Variants in IL6R observed in about 807,000 individuals in gnomAD.
IL6R encodes interleukin 6 receptor.
IL6R carries 38 observed loss-of-function variants against 48.3 expected under a neutral mutation model. That is an observed-to-expected ratio of 0.79 (90% CI 0.61 to 1.03). The LOEUF (loss-of-function observed/expected upper bound fraction) is 1.03. Among genes scored for constraint, IL6R ranks in the 50% least tolerant of loss-of-function variants. The pLI is 0.00. For missense variants in IL6R, 534 were observed against 618.3 expected, an observed-to-expected ratio of 0.86 and a Z score of 1.45; for synonymous variants, 264 against 256.2, an observed-to-expected ratio of 1.03 and a Z score of -0.29.
At chr1:154,425,192 A>T (rs1688897097) in intron 1 of IL6R, among the ~76,000 whole-genome samples, 1 of 152,086 alleles carries the variant, frequency 6.6e-6, no homozygotes, top group Admixed American at 6.6e-5. Flanking sequence ...AGTTTTTACT[A>T]CTTCTTTCTT....
intron 9 of IL6R, among the ~76,000 whole-genome samples, chr1:154,464,180 G>A (rs1246709016): frequency 6.9e-6 from 1 of 145,106 alleles, no homozygotes; most frequent in Non-Finnish European, 1.5e-5. Flanking sequence ...TTGAGACAGA[G>A]TTTCACTCTT....
chr1:154,408,763 G>T (rs1365362319), intron 1 of IL6R, among the ~76,000 whole-genome samples: 1 of 152,148 alleles, frequency 6.6e-6, no homozygotes, highest in African/African-American at 2.4e-5. Flanking sequence ...CACAGACCCA[G>T]CAAGCAAAAG....
chr1:154,414,874 T>C lies in IL6R; in HGVS notation c.85+9160T>C, dbSNP rs111793947. On this transcript the variant is annotated intron_variant, in intron 1 of 9. Transcript: ENST00000368485. ...GTGCATGTAGGCTGACTGGGGAAGCTGTTCCTTGTAATCAAAGTAGCAGCA... is the reference window on the plus strand; with the variant it reads ...GTGCATGTAGGCTGACTGGGGAAGCCGTTCCTTGTAATCAAAGTAGCAGCA... 1.9e-3 allele frequency: 1,509 copies of C among 785,460 alleles called. 20 individuals are homozygous for C. In the African/African-American group the frequency reaches 0.023, roughly 12 times the overall value. The allele number at this position is 785,460 out of a possible 1,614,324, so 48.7% of individuals were successfully genotyped here.
chr1:154,414,932 G>A, intron 1 of IL6R: 1 of 1,097,430 alleles, frequency 9.1e-7, no homozygotes, highest in Non-Finnish European at 1.4e-6. Flanking sequence ...TGGAAGGAGG[G>A]GATGTCCTCG....
At chr1:154,415,169 C>A in intron 1 of IL6R, 2 of 741,546 alleles carry the variant, frequency 2.7e-6, no homozygotes, top group South Asian at 2.9e-5. Flanking sequence ...GGCCCTAGGT[C>A]GCCAGGGGCC....
chr1:154,414,389 G>A (rs998319840), intron 1 of IL6R: 3 of 1,415,738 alleles, frequency 2.1e-6, no homozygotes, highest in African/African-American at 2.8e-5. Flanking sequence ...CAGCTGCCGG[G>A]CATACTCGGT....
chr1:154,423,279 A>ATATG (rs1558305459), intron 1 of IL6R, among the ~76,000 whole-genome samples: 4 of 140,748 alleles, frequency 2.8e-5, no homozygotes, highest in African/African-American at 5.2e-5. Context: ...ATATATATAT[A>ATATG]TATATGTATT....
chr1:154,455,826 G>A (rs990938394), intron 9 of IL6R, among the ~76,000 whole-genome samples: 2 of 151,732 alleles, frequency 1.3e-5, no homozygotes, highest in African/African-American at 4.8e-5. Flanking sequence ...GGAGGCTGAG[G>A]CAGGTGGATC....
chr1:154,461,284 G>A (rs989523324), intron 9 of IL6R, among the ~76,000 whole-genome samples: 1 of 152,224 alleles, frequency 6.6e-6, no homozygotes, highest in African/African-American at 2.4e-5. Flanking sequence ...GAGGGGTTTA[G>A]GCCTCTGGAT....
chr1:154,456,053 C>T (rs1690868108), intron 9 of IL6R, among the ~76,000 whole-genome samples: 1 of 151,742 alleles, frequency 6.6e-6, no homozygotes, highest in Non-Finnish European at 1.5e-5. Flanking sequence ...TGAGACTCAT[C>T]TCAAACAAAG....
intron 9 of IL6R, among the ~76,000 whole-genome samples, chr1:154,459,944 T>C (rs4329505): frequency 0.21 from 32,565 of 151,966 alleles, 4,212 homozygotes; most frequent in African/African-American, 0.36. Flanking sequence ...ATCAGAGCTT[T>C]TGCTACCTCC....
intron 9 of IL6R, among the ~76,000 whole-genome samples, chr1:154,463,936 C>G (rs963696468): frequency 6.6e-6 from 1 of 152,066 alleles, no homozygotes; most frequent in Non-Finnish European, 1.5e-5. Flanking sequence ...AACTCACCAG[C>G]ATGGTGGGAG....
intron 6 of IL6R, among the ~76,000 whole-genome samples, chr1:154,447,474 T>TATATATATATAC (rs1690307485): frequency 3.4e-5 from 3 of 87,172 alleles, no homozygotes; most frequent in Non-Finnish European, 6.7e-5. Context: ...TATATATATA[T>TATATATATATAC]ATACACACAC....
chr1:154,418,310 C>A (rs1688467294), intron 1 of IL6R: 3 of 474,862 alleles, frequency 6.3e-6, no homozygotes, highest in South Asian at 8.9e-5. Context: ...GTCACACGCG[C>A]ACGTGGGTCT....
chr1:154,431,625 A>C (rs749304582), intron 3 of IL6R, among the ~76,000 whole-genome samples: 3 of 152,138 alleles, frequency 2.0e-5, no homozygotes, highest in Non-Finnish European at 4.4e-5. Context: ...CCTTCTTGTG[A>C]TGATATGAGG....
chr1:154,434,910 C>A, intron 4 of IL6R, 80 bp from the exon 5 acceptor site: 1 of 1,484,316 alleles, frequency 6.7e-7, no homozygotes, highest in Non-Finnish European at 9.2e-7. Context: ...TGGGGCCCTG[C>A]TTGCTGGGAT....
Position 154,436,108 on chromosome 1 carries a change from C to T in IL6R, c.947C>T (p.Thr316Ile), listed in dbSNP as rs772036359. 9.3e-6 allele frequency: 15 copies of T among 1,608,088 alleles called. No homozygotes were observed. Among genetic ancestry groups the T allele is most frequent in the Non-Finnish European group, 1.3e-5 (15 of 1,175,774 alleles). ...WSPEAMGTPWTESRSPPAENE... is the reference protein window; with the variant it reads ...WSPEAMGTPWIESRSPPAENE... ...CCGGAGGCCATGGGCACGCCTTGGACAGGTACTGCGGTGGGCACTGAGAAA... is the reference window on the plus strand; with the variant it reads ...CCGGAGGCCATGGGCACGCCTTGGATAGGTACTGCGGTGGGCACTGAGAAA... Residue 316 changes from threonine to isoleucine, a missense_variant and splice_region_variant, in exon 6 of 10, where the codon ACA (threonine) becomes ATA (isoleucine). Coordinates refer to ENST00000368485, the MANE Select transcript of IL6R (RefSeq NM_000565.4).
intron 6 of IL6R, among the ~76,000 whole-genome samples, chr1:154,446,729 T>A (rs531562274): frequency 3.3e-5 from 5 of 152,148 alleles, no homozygotes; most frequent in Non-Finnish European, 7.4e-5. Flanking sequence ...TACAGGCAAA[T>A]GAATATTTAT....
intron 7 of IL6R, among the ~76,000 whole-genome samples, chr1:154,449,278 G>C (rs1370882122): frequency 1.3e-5 from 2 of 152,014 alleles, no homozygotes; most frequent in Non-Finnish European, 2.9e-5. Flanking sequence ...ACTTTGGGAG[G>C]CTGAGGCAGG....
Sources: allele counts gnomAD v4.1 joint callset (sites outside exome capture counted in the v4.1 genomes callset), GRCh38; gene constraint gnomAD v4.1.1; transcripts MANE v1.5; gene names NCBI Gene and HGNC (gene_info 2026-07-23, HGNC 2026-07-21).